ADRA1B: variants seen among roughly 807,000 people sequenced by gnomAD.
The protein encoded by ADRA1B is alpha-1B adrenergic receptor.
A neutral mutation model predicts 17.9 loss-of-function variants in ADRA1B; 17 were observed. The ratio of observed to expected loss-of-function variants is 0.95; its 90% CI spans 0.65 to 1.42. ADRA1B has a LOEUF of 1.42. Among genes scored for constraint, ADRA1B ranks in the 40% most tolerant of loss-of-function variants. The probability of loss-of-function intolerance (pLI) is 0.00; values close to 1 mark genes in which losing one functional copy is unlikely to be tolerated. For synonymous variants in ADRA1B, 366 were observed against 327.6 expected (o/e 1.12, Z -1.27); for missense variants, 681 against 722.1 (o/e 0.94, Z 0.65).
intron 1 of ADRA1B, among the ~76,000 whole-genome samples, chr5:159,898,684 C>T (rs1402719933): frequency 6.6e-6 from 1 of 152,026 alleles, no homozygotes; most frequent in African/African-American, 2.4e-5. Context: ...TTACCATGGC[C>T]GTATTGATTG....
At chr5:159,978,665 C>T in the ADRA1B span, among the ~76,000 whole-genome samples, 2 of 152,324 alleles carry the variant, frequency 1.3e-5, no homozygotes, top group African/African-American at 2.4e-5. Flanking sequence ...TCTTTGGAGA[C>T]AACTTCATTG....
chr5:159,934,399 A>G (rs1561598280), intron 1 of ADRA1B, among the ~76,000 whole-genome samples: 1 of 152,006 alleles, frequency 6.6e-6, no homozygotes, highest in Non-Finnish European at 1.5e-5. Context: ...TGCCTCTGTC[A>G]CCGCCTTCCC....
intron 1 of ADRA1B, among the ~76,000 whole-genome samples, chr5:159,925,132 C>T (rs963497395): frequency 6.6e-6 from 1 of 152,174 alleles, no homozygotes; most frequent in Non-Finnish European, 1.5e-5. Context: ...ATCATTGGAG[C>T]TCTCCTAGAG....
intron 1 of ADRA1B, chr5:159,888,061 C>G (rs1172142691): frequency 6.6e-6 from 1 of 152,094 alleles, no homozygotes; most frequent in African/African-American, 2.4e-5. Flanking sequence ...AGCATGCAGC[C>G]CAGAGAAGTC....
chr5:159,874,580 G>A (rs529260282), intron 1 of ADRA1B, among the ~76,000 whole-genome samples: 6 of 152,272 alleles, frequency 3.9e-5, no homozygotes, highest in South Asian at 2.1e-4. Context: ...TACAGTACAT[G>A]GCATGAAGTT....
At chr5:159,951,298 C>G (rs924945847) in intron 1 of ADRA1B, 2 of 1,332,082 alleles carry the variant, frequency 1.5e-6, no homozygotes, top group African/African-American at 2.9e-5. Context: ...CCATTGATGA[C>G]AAGCTTCCCT....
rs999297096 is a variant in ADRA1B, at chr5:159,972,239, C to G, written c.1310C>G (p.Pro437Arg). The G allele has an allele frequency of 1.5e-6, 2 of 1,351,416 alleles. No homozygotes were observed. Among genetic ancestry groups the G allele is most frequent in the African/African-American group, 1.5e-5 (1 of 65,228 alleles). 83.7% of individuals were successfully genotyped at this position (1,351,416 alleles called of 1,614,324 possible). The change falls in exon 2 of 2, where the codon CCG (proline) becomes CGG (arginine). Residue 437 changes from proline to arginine, a missense_variant. By Grantham distance (103) the Pro-to-Arg change is moderately radical (BLOSUM62 -2). Around this residue, in one of 3 missense-constraint regions of ADRA1B, gnomAD observed 251 missense variants for 224.9 expected, o/e 1.12. Coordinates refer to ENST00000306675, the MANE Select transcript of ADRA1B (RefSeq NM_000679.4). ...GGCTACCTGGGCCGCGGCGCGCCAC[C>G]GCCAGTCGAGCTGTGCGCCTTCCCC... ...SPGYLGRGAP[P>R]PVELCAFPEW...
chr5:159,881,906 C>T (rs1008748040), intron 1 of ADRA1B, among the ~76,000 whole-genome samples: 3 of 152,124 alleles, frequency 2.0e-5, no homozygotes, highest in Admixed American at 1.3e-4. Context: ...CCTGGAAAGC[C>T]TGACTAGTGG....
At chr5:159,877,108 T>C (rs1753812172) in intron 1 of ADRA1B, among the ~76,000 whole-genome samples, 1 of 152,144 alleles carries the variant, frequency 6.6e-6, no homozygotes, top group Admixed American at 6.5e-5. Context: ...ATGATGTGTT[T>C]TCTGGAATGG....
At position 159,972,732 on chromosome 5, in the gene ADRA1B, A is replaced by G. The variant is rs1195417889; in HGVS notation, c.*240A>G. 6.6e-6 allele frequency among the ~76,000 whole-genome samples: 1 copy of G among 151,624 alleles called. No homozygotes were observed. The highest frequency in any genetic ancestry group is 1.5e-5 in the Non-Finnish European group (1 of 67,898). Reference sequence around the variant, plus strand: ...GGGGGACCCGACGCCGCCGGGATTTACCTCTCTCTCTCCCTCTGTGTATAT... The same window carrying G: ...GGGGGACCCGACGCCGCCGGGATTTGCCTCTCTCTCTCCCTCTGTGTATAT... On this transcript the variant is annotated 3_prime_UTR_variant, in exon 2 of 2. Transcript: ENST00000306675.
chr5:159,963,156 C>G (rs1177523489), intron 1 of ADRA1B, among the ~76,000 whole-genome samples: 1 of 150,604 alleles, frequency 6.6e-6, no homozygotes, highest in Non-Finnish European at 1.5e-5. Context: ...CCAAAAAGCA[C>G]AGAGAAGGAA....
intron 1 of ADRA1B, chr5:159,947,807 G>T: frequency 1.0e-6 from 1 of 985,374 alleles, no homozygotes; most frequent in African/African-American, 1.7e-5. Flanking sequence ...AGGGACACGG[G>T]AGCTACATTG....
the ADRA1B span, among the ~76,000 whole-genome samples, chr5:159,980,149 C>T: frequency 6.6e-6 from 1 of 152,014 alleles, no homozygotes; most frequent in Non-Finnish European, 1.5e-5. Flanking sequence ...GCCCTGACAA[C>T]TGGCCAGAAA....
intron 1 of ADRA1B, among the ~76,000 whole-genome samples, chr5:159,905,250 C>T (rs1279683248): frequency 2.0e-5 from 3 of 152,098 alleles, no homozygotes; most frequent in Non-Finnish European, 2.9e-5. Context: ...ACAAAATTCA[C>T]TACAGAAATA....
At chr5:159,974,117 G>C (rs138736801), downstream of ADRA1B, among the ~76,000 whole-genome samples, 1 of 152,314 alleles carries the variant, frequency 6.6e-6, no homozygotes, top group East Asian at 1.9e-4. Flanking sequence ...TAGTTGAAAA[G>C]TATAGGGGTG....
chr5:159,917,144 C>T lies in ADRA1B; in HGVS notation c.239C>T (p.Thr80Ile), dbSNP rs760038075. 3 of 1,614,158 alleles carry T rather than the reference C, an allele frequency of 1.9e-6. No individual in the cohort carries two copies. The Admixed American group carries it at 5.0e-5, about 27-fold the overall frequency. ...VACNRHLRTP[T>I]NYFIVNLAMA... ...TGCAACCGGCACCTGCGGACGCCCA[C>T]CAACTACTTCATTGTCAACCTGGCC... Residue 80 changes from threonine (T) to isoleucine (I), a missense_variant, in exon 1 of 2, where the codon ACC becomes ATC. This residue lies in a region of ADRA1B where 424 missense variants were observed against 480.2 expected (regional missense o/e 0.88). Coordinates refer to ENST00000306675, the MANE Select transcript of ADRA1B (RefSeq NM_000679.4).
chr5:159,925,894 G>T (rs1417116947), intron 1 of ADRA1B, among the ~76,000 whole-genome samples: 2 of 152,170 alleles, frequency 1.3e-5, no homozygotes, highest in Admixed American at 6.5e-5. Flanking sequence ...CATGGTGGGG[G>T]CATTGCAGGG....
chr5:159,893,645 A>G (rs1754010376), intron 1 of ADRA1B, among the ~76,000 whole-genome samples: 1 of 152,208 alleles, frequency 6.6e-6, no homozygotes, highest in Admixed American at 6.5e-5. Context: ...GTCATTCAGT[A>G]AGTATTTCCT....
At chr5:159,927,915 G>C (rs747050202) in intron 1 of ADRA1B, among the ~76,000 whole-genome samples, 4 of 152,198 alleles carry the variant, frequency 2.6e-5, no homozygotes, top group Admixed American at 6.5e-5. Flanking sequence ...GACTTACTAT[G>C]TGTGTATTTC....
Sources: gnomAD v4.1 joint callset for allele counts (sites outside exome capture counted in the v4.1 genomes callset) on GRCh38, gnomAD v4.1.1 for gene constraint, gnomAD v4.1.1 regional missense constraint, MANE v1.5 for transcripts, NCBI Gene and HGNC (gene_info 2026-07-23, HGNC 2026-07-21) for gene names.